KIF2C: variants seen among roughly 807,000 people sequenced by gnomAD.
The protein encoded by KIF2C is kinesin family member 2C, also known as kinesin-like protein KIF2C.
Under a neutral mutation model 97.4 loss-of-function variants are expected in KIF2C, and 34 were observed. The observed-to-expected ratio is 0.35, with a 90% CI of 0.27 to 0.46. The LOEUF (loss-of-function observed/expected upper bound fraction) is 0.46, where lower values mean the gene tolerates loss of function less well. Among genes scored for constraint, KIF2C ranks in the 20% least tolerant of loss-of-function variants. The pLI, the probability that KIF2C is intolerant of heterozygous loss-of-function variation, is 1.00. For synonymous variants in KIF2C, 313 were observed against 318.2 expected, an observed-to-expected ratio of 0.98 and a Z score of 0.17; for missense variants, 750 against 907.6, an observed-to-expected ratio of 0.83 and a Z score of 2.23.
Position 44,767,459 on chromosome 1 carries a change from C to T in KIF2C, c.*280C>T. ...TTTCCATCAAGGGGAATGTTCTCAG[C>T]ATAGAGCTTTCTCCGCAGCATCCTG... On this transcript the variant is annotated 3_prime_UTR_variant, in exon 21 of 21. Coordinates refer to ENST00000372224, the MANE Select transcript of KIF2C (RefSeq NM_006845.4). 2.8e-6 allele frequency: 1 copy of T among 353,948 alleles called. No homozygotes were observed. Among genetic ancestry groups the T allele is most frequent in the South Asian group, 2.6e-5 (1 of 38,398 alleles). The allele number at this position is 353,948 out of a possible 1,614,324, so 21.9% of individuals were successfully genotyped here. A position where few individuals can be genotyped will look rare whatever the true frequency, so the allele number is the denominator to read the frequency against.
At chr1:44,748,612 C>T (rs1014602435) in intron 4 of KIF2C, among the ~76,000 whole-genome samples, 1 of 152,162 alleles carries the variant, frequency 6.6e-6, no homozygotes, top group Non-Finnish European at 1.5e-5. Context: ...ATGATCGTAG[C>T]TCACTGTAGC....
chr1:44,754,809 T>C lies in KIF2C; in HGVS notation c.723T>C (p.Ala241=). 4 of 1,613,112 alleles carry C rather than the reference T, an allele frequency of 2.5e-6. No individual in the cohort carries two copies. Among genetic ancestry groups the C allele is most frequent in the Non-Finnish European group, 3.4e-6 (4 of 1,179,040 alleles). The change falls in exon 8 of 21, where the codon GCT becomes GCC. Residue 241 remains alanine (A), a synonymous_variant. Coordinates refer to ENST00000372224, the MANE Select transcript of KIF2C (RefSeq NM_006845.4). ...EFARMIKEFR[A]TLECHPLTMT... ...CCCGAATGATTAAAGAATTTCGGGCTACTTTGGAATGTCATCCACTTACTA... is the reference window on the plus strand; with the variant it reads ...CCCGAATGATTAAAGAATTTCGGGCCACTTTGGAATGTCATCCACTTACTA...
At chr1:44,761,016 A>G (rs2148832686) in intron 16 of KIF2C, 1 of 307,060 alleles carries the variant, frequency 3.3e-6, no homozygotes, top group South Asian at 3.7e-5. Flanking sequence ...TCAGCAGGAG[A>G]GGGAAGTCCT....
rs1557600048 is a variant in KIF2C, at chr1:44,760,799, T to A, written c.1683+97T>A. On this transcript the variant is annotated intron_variant, in intron 16 of 20. Coordinates refer to ENST00000372224, the MANE Select transcript of KIF2C (RefSeq NM_006845.4). This position sits in a 1 kb window ranked among gnomAD's most constrained non-coding sequence, Gnocchi z 4.2. ...TGTCCCTGGGCTGGAAGCTCAGCAC[T>A]GCTGGCTGCCTGGGTTTCCAGGCTG... is the stretch of plus-strand genomic sequence containing the variant. 2 of 998,480 alleles carry A rather than the reference T, an allele frequency of 2.0e-6. No homozygotes were observed. The highest frequency in any genetic ancestry group is 1.5e-6 in the Non-Finnish European group (1 of 650,704). 61.9% of individuals were successfully genotyped at this position (998,480 alleles called of 1,614,324 possible).
In KIF2C at chr1:44,767,267, C is replaced by A; in HGVS notation, c.*88C>A. ...ACTTTGGGTACCTGGTGGGTCTAGGCAGGGTCTGAGCTGGGACAGGTTCTG... is the reference window on the plus strand; with the variant it reads ...ACTTTGGGTACCTGGTGGGTCTAGGAAGGGTCTGAGCTGGGACAGGTTCTG... On this transcript the variant is annotated 3_prime_UTR_variant, in exon 21 of 21. Transcript: ENST00000372224. 8.5e-7 allele frequency: 1 copy of A among 1,183,292 alleles called. No homozygotes were observed. The allele number at this position is 1,183,292 out of a possible 1,614,324, so 73.3% of individuals were successfully genotyped here.
Position 44,753,828 on chromosome 1 carries a change from G to T in KIF2C, c.658G>T (p.Ala220Ser). The change falls in exon 7 of 21, where the codon GCT (alanine) becomes TCT (serine). Residue 220 changes from alanine (A) to serine (S), a missense_variant. Ala to Ser is a moderately conservative substitution (Grantham distance 99). Transcript: ENST00000372224. ...GAACTCTGAAATGAGAATGAAGAGA[G>T]CTCAGGTACCTTTCTTGGGAGACTA... ...AQNSEMRMKRAQEYDSSFPNW... is the reference protein window; with the variant it reads ...AQNSEMRMKRSQEYDSSFPNW... 1 of 1,598,506 alleles carries T rather than the reference G, an allele frequency of 6.3e-7. No homozygotes were observed.
chr1:44,742,731 A>C (rs1268786833), intron 2 of KIF2C, among the ~76,000 whole-genome samples: 7 of 151,890 alleles, frequency 4.6e-5, no homozygotes, highest in South Asian at 4.1e-4. Flanking sequence ...AAAAAAAAAA[A>C]AAAAAACAAA....
chr1:44,762,366 A>C lies in KIF2C; in HGVS notation c.1772A>C (p.His591Pro). Reference sequence around the variant, plus strand: ...CTCAGGGTCAAGGAGCTGAGCCCCCACAGTGGGCCCAGTGGAGAGCAGTTG... The same window carrying C: ...CTCAGGGTCAAGGAGCTGAGCCCCCCCAGTGGGCCCAGTGGAGAGCAGTTG... ...YADRVKELSPHSGPSGEQLIQ... is the reference protein window; with the variant it reads ...YADRVKELSPPSGPSGEQLIQ... The change falls in exon 18 of 21, where the codon CAC (histidine) becomes CCC (proline). Residue 591 changes from histidine to proline, a missense_variant. His to Pro is a moderately conservative substitution (Grantham distance 77). Transcript: ENST00000372224. 1 of 1,614,050 alleles carries C rather than the reference A, an allele frequency of 6.2e-7. No homozygotes were observed. The highest frequency in any genetic ancestry group is 8.5e-7 in the Non-Finnish European group (1 of 1,179,940).
rs140246765 is a variant in KIF2C at position 44,767,749 on chromosome 1, C to T, written c.*570C>T. The T allele has an allele frequency of 0.013, 2,060 of 156,030 alleles. 20 individuals carry two copies. The highest frequency in any genetic ancestry group is 0.041 in the Middle Eastern group (12 of 294). 9.7% of individuals were successfully genotyped at this position (156,030 alleles called of 1,614,324 possible). ...ACAATAAAGAGAAAAAATAAATCAG[C>T]TGTTTAAGTGTGTGGAAAGGGCCTG... On this transcript the variant is annotated 3_prime_UTR_variant, in exon 21 of 21. Coordinates refer to ENST00000372224, the MANE Select transcript of KIF2C (RefSeq NM_006845.4).
intron 2 of KIF2C, among the ~76,000 whole-genome samples, chr1:44,744,619 C>T (rs977227996): frequency 6.6e-6 from 1 of 152,084 alleles, no homozygotes; most frequent in African/African-American, 2.4e-5. Context: ...CTCTGGTTTT[C>T]GCGGGTCGTG....
intron 19 of KIF2C, among the ~76,000 whole-genome samples, chr1:44,765,727 C>T (rs1000836485): frequency 3.9e-5 from 6 of 152,074 alleles, no homozygotes; most frequent in South Asian, 4.1e-4. Flanking sequence ...CTCAGCTACT[C>T]GGGAGGCTGA....
chr1:44,766,882 G>A lies in KIF2C; in HGVS notation c.2028G>A (p.Leu676=), dbSNP rs762247887. Residue 676 remains leucine (L), a synonymous_variant, in exon 20 of 21, where the codon CTG becomes CTA. Coordinates refer to ENST00000372224, the MANE Select transcript of KIF2C (RefSeq NM_006845.4). ...SEMTEQPDYD[L]ETFVNKAESA... is the part of the protein sequence containing the mutation. The stretch of plus-strand genomic sequence containing the variant: ...TGACCGAGCAGCCAGACTATGACCT[G>A]GAGACCTTTGTGAACAAAGCGGAAT... 1 of 1,614,108 alleles carries A rather than the reference G, an allele frequency of 6.2e-7. No individual in the cohort carries two copies. Among genetic ancestry groups the A allele is most frequent in the Admixed American group, 1.7e-5 (1 of 60,002 alleles).
At chr1:44,744,532 CTT>C (rs1344787914) in intron 2 of KIF2C, among the ~76,000 whole-genome samples, 1 of 152,244 alleles carries the variant, frequency 6.6e-6, no homozygotes, top group Admixed American at 6.5e-5. Context: ...CCTTTACACT[CTT>C]ATTCCTTTCT....
intron 2 of KIF2C, 109 bp from the exon 3 acceptor site, chr1:44,747,275 T>G (rs998176338): frequency 8.0e-5 from 71 of 891,592 alleles, no homozygotes; most frequent in Admixed American, 1.9e-4. Flanking sequence ...ACCACTGCCC[T>G]CCAGCCTGGG....
chr1:44,740,170 A>G (rs1304819943), intron 1 of KIF2C, 168 bp downstream of exon 1: 5 of 783,438 alleles, frequency 6.4e-6, no homozygotes, highest in Non-Finnish European at 1.1e-5. Flanking sequence ...TTGCCTACAC[A>G]GGGGTGAGAG....
rs747776935 is a variant in KIF2C at position 44,762,567 on chromosome 1, T to C, written c.1880T>C (p.Leu627Pro). 1 of 1,614,040 alleles carries C rather than the reference T, an allele frequency of 6.2e-7. No homozygotes were observed. The highest frequency in any genetic ancestry group is 2.2e-5 in the East Asian group (1 of 44,884). ...CAGTTATCCAAGGAAGAGGAGGAACTGTCTTCCCAGATGTCCAGCTTTAAC... is the reference window on the plus strand; with the variant it reads ...CAGTTATCCAAGGAAGAGGAGGAACCGTCTTCCCAGATGTCCAGCTTTAAC... ...PGNLSKEEEE[L>P]SSQMSSFNEA... The change falls in exon 19 of 21, where the codon CTG (leucine) becomes CCG (proline). Residue 627 changes from leucine (L) to proline (P), a missense_variant. By Grantham distance (98) the Leu-to-Pro change is moderately conservative (BLOSUM62 -3). Transcript: ENST00000372224.
At chr1:44,750,201 T>C in intron 4 of KIF2C, 1 of 319,406 alleles carries the variant, frequency 3.1e-6, no homozygotes, top group Non-Finnish European at 5.7e-6. Context: ...AGACAGCCGC[T>C]CTTTGTGGGA....
chr1:44,763,027 G>A (rs1370040194), intron 19 of KIF2C, among the ~76,000 whole-genome samples: 1 of 152,178 alleles, frequency 6.6e-6, no homozygotes, highest in African/African-American at 2.4e-5. Flanking sequence ...ATAGGTAATA[G>A]GCCCTAAGGG....
chr1:44,756,109 T>A lies in KIF2C; in HGVS notation c.849T>A (p.Ile283=). 1 of 1,614,186 alleles carries A rather than the reference T, an allele frequency of 6.2e-7. No individual in the cohort carries two copies. Among genetic ancestry groups the A allele is most frequent in the Non-Finnish European group, 8.5e-7 (1 of 1,180,036 alleles). Reference sequence around the variant, plus strand: ...AGAAAGAAATTGATGTGATTTCCATTCCTAGCAAGTGTCTCCTCTTGGTAC... The same window carrying A: ...AGAAAGAAATTGATGTGATTTCCATACCTAGCAAGTGTCTCCTCTTGGTAC... ...LAKKEIDVIS[I]PSKCLLLVHE... is the part of the protein sequence containing the mutation. Residue 283 remains isoleucine (I), a synonymous_variant, in exon 10 of 21, where the codon ATT becomes ATA. Coordinates refer to ENST00000372224, the MANE Select transcript of KIF2C (RefSeq NM_006845.4).
Sources: allele counts gnomAD v4.1 joint callset (sites outside exome capture counted in the v4.1 genomes callset), GRCh38; gene constraint gnomAD v4.1.1; non-coding constraint Gnocchi (gnomAD v3.1); transcripts MANE v1.5; gene names NCBI Gene and HGNC (gene_info 2026-07-23, HGNC 2026-07-21).